PARD3B: variants seen among roughly 807,000 people sequenced by gnomAD.
PARD3B encodes par-3 family cell polarity regulator beta, also known as partitioning defective 3 homolog B.
Under a neutral mutation model 130.2 loss-of-function variants are expected in PARD3B, and 103 were observed. The ratio of observed to expected loss-of-function variants is 0.79; its 90% CI spans 0.67 to 0.93. PARD3B has a LOEUF of 0.93. Ranked by LOEUF, PARD3B falls within the 40% of genes least tolerant of loss-of-function variation. The pLI, the probability that PARD3B is intolerant of heterozygous loss-of-function variation, is 0.00. For missense variants in PARD3B, 1,609 were observed against 1,499.2 expected, an observed-to-expected ratio of 1.07 and a Z score of -1.21; for synonymous variants, 583 against 553.2, an observed-to-expected ratio of 1.05 and a Z score of -0.76.
At chr2:204,681,676 T>A (rs1168857792) in intron 1 of PARD3B, among the ~76,000 whole-genome samples, 1 of 152,174 alleles carries the variant, frequency 6.6e-6, no homozygotes, top group Non-Finnish European at 1.5e-5. Flanking sequence ...CCTGCACTGC[T>A]CTGTGGCTGG....
At chr2:205,383,207 A>C (rs2105953356) in intron 18 of PARD3B, among the ~76,000 whole-genome samples, 1 of 151,884 alleles carries the variant, frequency 6.6e-6, no homozygotes, top group East Asian at 1.9e-4. Flanking sequence ...ACATTAAAAA[A>C]CCATGAGTTT....
At chr2:205,312,283 C>T (rs1218116403) in intron 18 of PARD3B, among the ~76,000 whole-genome samples, 4 of 152,126 alleles carry the variant, frequency 2.6e-5, no homozygotes, top group Non-Finnish European at 5.9e-5. Flanking sequence ...TCCCCAAAGG[C>T]AAAAGGCCAA....
intron 20 of PARD3B, among the ~76,000 whole-genome samples, chr2:205,456,953 A>G (rs1235494681): frequency 6.6e-6 from 1 of 150,962 alleles, no homozygotes; most frequent in Non-Finnish European, 1.5e-5. Flanking sequence ...TAAATCGTTT[A>G]ATAATTATAT....
chr2:205,310,746 CAG>C (rs1331093611), intron 18 of PARD3B, among the ~76,000 whole-genome samples: 1 of 83,572 alleles, frequency 1.2e-5, no homozygotes, highest in Non-Finnish European at 2.0e-5. Context: ...TTTTTTGAGA[CAG>C]AGTCTCACTC....
At chr2:205,206,618 A>G (rs57073503) in intron 15 of PARD3B, among the ~76,000 whole-genome samples, 23,651 of 148,862 alleles carry the variant, frequency 0.16, 2,185 homozygotes, top group African/African-American at 0.26. Context: ...GTCTATCATT[A>G]TTGGACATTT....
chr2:205,050,160 C>T (rs1223468499), intron 4 of PARD3B, among the ~76,000 whole-genome samples: 1 of 148,832 alleles, frequency 6.7e-6, no homozygotes, highest in African/African-American at 2.5e-5. Flanking sequence ...AATTAACCAG[C>T]TAATTAATTA....
At chr2:204,630,354 T>G (rs1222545039) in intron 1 of PARD3B, among the ~76,000 whole-genome samples, 1 of 152,162 alleles carries the variant, frequency 6.6e-6, no homozygotes, top group Non-Finnish European at 1.5e-5. Context: ...CTTAGGGAAC[T>G]TTGAAAAATT....
intron 2 of PARD3B, among the ~76,000 whole-genome samples, chr2:204,880,849 T>C (rs797018681): frequency 1.3e-5 from 2 of 151,958 alleles, no homozygotes; most frequent in African/African-American, 4.8e-5. Context: ...TACCTAGGAG[T>C]AGAGCCAACA....
intron 4 of PARD3B, among the ~76,000 whole-genome samples, chr2:205,052,046 T>TA (rs146736098): frequency 0.013 from 2,039 of 152,240 alleles, 33 homozygotes; most frequent in African/African-American, 0.045. Flanking sequence ...TGGGACTTCT[T>TA]ACCTTCCTTT....
At chr2:204,778,157 A>AG (rs1369856413) in intron 2 of PARD3B, among the ~76,000 whole-genome samples, 1 of 151,956 alleles carries the variant, frequency 6.6e-6, no homozygotes, top group African/African-American at 2.4e-5. Flanking sequence ...AAAAAAAAAA[A>AG]AAAAAAAGAT....
chr2:205,066,062 A>G (rs1700355712), intron 4 of PARD3B, among the ~76,000 whole-genome samples: 1 of 152,142 alleles, frequency 6.6e-6, no homozygotes, highest in Middle Eastern at 3.2e-3. Flanking sequence ...AGAAGGAATA[A>G]TTTAGGACAC....
At chr2:205,260,288 A>G (rs938363315) in intron 16 of PARD3B, among the ~76,000 whole-genome samples, 2 of 152,276 alleles carry the variant, frequency 1.3e-5, no homozygotes, top group African/African-American at 4.8e-5. Flanking sequence ...ATGAGGTCCT[A>G]TGTGGAACTT....
At chr2:205,198,738 T>C (rs2036829431) in intron 15 of PARD3B, among the ~76,000 whole-genome samples, 1 of 152,106 alleles carries the variant, frequency 6.6e-6, no homozygotes. Context: ...TAAGATTATA[T>C]TCATATAGTG....
intron 1 of PARD3B, among the ~76,000 whole-genome samples, chr2:204,683,759 A>G (rs2036950082): frequency 6.6e-6 from 1 of 152,194 alleles, no homozygotes; most frequent in Admixed American, 6.5e-5. Flanking sequence ...TAAAATGGCA[A>G]TATCAATGTG....
At chr2:205,040,918 A>G (rs1227067357) in intron 3 of PARD3B, among the ~76,000 whole-genome samples, 1 of 152,062 alleles carries the variant, frequency 6.6e-6, no homozygotes, top group Admixed American at 6.6e-5. Context: ...CCTAAAGAGG[A>G]GTCTCTTTGC....
intron 21 of PARD3B, among the ~76,000 whole-genome samples, chr2:205,529,186 T>G (rs1024532073): frequency 6.6e-6 from 1 of 152,224 alleles, no homozygotes; most frequent in African/African-American, 2.4e-5. Flanking sequence ...GGGGATCTGC[T>G]TTGATGTCTG....
At chr2:205,481,177 A>G (rs1012577450) in intron 20 of PARD3B, among the ~76,000 whole-genome samples, 1 of 152,212 alleles carries the variant, frequency 6.6e-6, no homozygotes, top group Admixed American at 6.5e-5. Flanking sequence ...AATTGATATG[A>G]TCTTAATTAT....
At chr2:205,233,149 T>C (rs2038919904) in intron 15 of PARD3B, among the ~76,000 whole-genome samples, 1 of 151,900 alleles carries the variant, frequency 6.6e-6, no homozygotes, top group Admixed American at 6.6e-5. Flanking sequence ...ACACATTTCA[T>C]ACAGAGAAAA....
intron 2 of PARD3B, among the ~76,000 whole-genome samples, chr2:204,897,876 TA>T (rs111448626): frequency 1.9e-3 from 257 of 135,572 alleles, no homozygotes; most frequent in Middle Eastern, 4.0e-3. Flanking sequence ...ACCTTTAAAG[TA>T]AAAAAAAAAA....
Sources: allele counts gnomAD v4.1 joint callset (sites outside exome capture counted in the v4.1 genomes callset), GRCh38; gene constraint gnomAD v4.1.1; transcripts MANE v1.5; gene names NCBI Gene and HGNC (gene_info 2026-07-23, HGNC 2026-07-21).